The following PTPRD variants were observed in gnomAD, a reference collection of about 807,000 sequenced individuals.
PTPRD encodes the protein receptor-type tyrosine-protein phosphatase delta.
PTPRD carries 34 observed loss-of-function variants against 214.5 expected under a neutral mutation model. That is an observed-to-expected ratio of 0.16 (90% CI 0.12 to 0.21). The LOEUF is 0.21. Among genes scored for constraint, PTPRD ranks in the 10% least tolerant of loss-of-function variants. The pLI, the probability that PTPRD is intolerant of heterozygous loss-of-function variation, is 1.00. For missense variants in PTPRD, 2,545 were observed against 2,398.7 expected (o/e 1.06, Z -1.27); for synonymous variants, 1,128 against 845.7 (o/e 1.33, Z -5.79).
At chr9:8,518,622 C>T (rs563165378) in intron 20 of PTPRD, among the ~76,000 whole-genome samples, 193 bp from the exon 21 acceptor site, 14 of 152,320 alleles carry the variant, frequency 9.2e-5, no homozygotes, top group Non-Finnish European at 1.2e-4. Flanking sequence ...ACAAATCCTG[C>T]TTTCCTAGAA....
At chr9:9,144,272 G>A (rs530652483) in intron 10 of PTPRD, among the ~76,000 whole-genome samples, 31 of 152,158 alleles carry the variant, frequency 2.0e-4, no homozygotes, top group Non-Finnish European at 3.2e-4. Context: ...CCTGGTAATG[G>A]CTATAGTGGT....
intron 9 of PTPRD, among the ~76,000 whole-genome samples, chr9:9,342,564 T>G (rs944939642): frequency 6.6e-6 from 1 of 152,174 alleles, no homozygotes; most frequent in Non-Finnish European, 1.5e-5. Flanking sequence ...GTAGAGCTGT[T>G]GCTTAAAGAA....
chr9:8,594,674 C>G (rs970423883), intron 14 of PTPRD, among the ~76,000 whole-genome samples: 8 of 152,062 alleles, frequency 5.3e-5, no homozygotes, highest in Non-Finnish European at 1.2e-4. Context: ...TTCCGACGCT[C>G]TCGCTCTGTC....
intron 9 of PTPRD, among the ~76,000 whole-genome samples, chr9:9,333,906 A>T (rs1477448500): frequency 5.9e-5 from 9 of 151,968 alleles, no homozygotes; most frequent in Admixed American, 5.3e-4. Flanking sequence ...AGAGAAGAAA[A>T]TATTGATGGA....
At chr9:8,706,905 C>T (rs1387896238) in intron 12 of PTPRD, among the ~76,000 whole-genome samples, 2 of 152,136 alleles carry the variant, frequency 1.3e-5, no homozygotes, top group African/African-American at 4.8e-5. Context: ...TGCCACTGTC[C>T]CCGCTGGACA....
At chr9:9,467,886 G>A (rs960151568) in intron 8 of PTPRD, among the ~76,000 whole-genome samples, 1 of 152,014 alleles carries the variant, frequency 6.6e-6, no homozygotes, top group African/African-American at 2.4e-5. Flanking sequence ...AATACATTGA[G>A]GTATTTGGTA....
At chr9:10,031,639 T>TACACACACAC in intron 4 of PTPRD, among the ~76,000 whole-genome samples, 1 of 75,354 alleles carries the variant, frequency 1.3e-5, no homozygotes, top group African/African-American at 1.0e-4. Context: ...TATATATATA[T>TACACACACAC]ATATATATAC....
intron 3 of PTPRD, among the ~76,000 whole-genome samples, chr9:10,144,269 C>G (rs1056774150): frequency 1.3e-5 from 2 of 152,026 alleles, no homozygotes; most frequent in African/African-American, 2.4e-5. Context: ...TAATACTCTT[C>G]TCTCCAAAAA....
rs562937614 is a variant in PTPRD, at chr9:8,580,009, G to A, written c.353-51230C>T. ...GTGGTAGCTATGAACATTCATCAGG[G>A]TTTGCAGGGATTACAAGTTTCCAGT... On this transcript the variant is annotated intron_variant, in intron 14 of 45. Transcript: ENST00000381196. Among the ~76,000 whole-genome samples, 3 of 152,220 alleles carry A rather than the reference G, an allele frequency of 2.0e-5. No individual in the cohort carries two copies. In the East Asian group the frequency reaches 5.8e-4, roughly 29 times the overall value.
chr9:10,241,888 T>C (rs1263158138), intron 3 of PTPRD, among the ~76,000 whole-genome samples: 1 of 151,968 alleles, frequency 6.6e-6, no homozygotes, highest in African/African-American at 2.4e-5. Flanking sequence ...TCTATGAAGG[T>C]AAGTTGTTAA....
At chr9:8,464,715 C>CTT (rs35687233) in intron 32 of PTPRD, among the ~76,000 whole-genome samples, 3,472 of 148,026 alleles carry the variant, frequency 0.023, 48 homozygotes, top group Admixed American at 0.044. Context: ...TATCTCTCCC[C>CTT]TTTTTTTTTT....
intron 2 of PTPRD, among the ~76,000 whole-genome samples, chr9:10,424,036 T>C (rs1204648560): frequency 6.6e-6 from 1 of 152,018 alleles, no homozygotes; most frequent in Non-Finnish European, 1.5e-5. Context: ...CGACTAAAAA[T>C]GTCCTGTTTG....
At chr9:9,781,505 C>A (rs1378993060) in intron 5 of PTPRD, among the ~76,000 whole-genome samples, 3 of 151,966 alleles carry the variant, frequency 2.0e-5, no homozygotes, top group African/African-American at 7.3e-5. Context: ...TCTAATTGAC[C>A]AATAATATAC....
intron 9 of PTPRD, among the ~76,000 whole-genome samples, chr9:9,188,218 A>G (rs2099932853): frequency 1.3e-5 from 2 of 152,048 alleles, no homozygotes; most frequent in Non-Finnish European, 2.9e-5. Context: ...GGCTACATTC[A>G]TGTTGTAATT....
intron 7 of PTPRD, among the ~76,000 whole-genome samples, chr9:9,580,672 C>T (rs1294193674): frequency 6.6e-6 from 1 of 151,356 alleles, no homozygotes; most frequent in Non-Finnish European, 1.5e-5. Context: ...CCTCAGCCTC[C>T]TGAATAGCTG....
intron 2 of PTPRD, among the ~76,000 whole-genome samples, chr9:10,447,620 T>G (rs2098808865): frequency 6.6e-6 from 1 of 152,016 alleles, no homozygotes. Flanking sequence ...TACAAATATT[T>G]GTTTTTTATT....
intron 12 of PTPRD, among the ~76,000 whole-genome samples, chr9:8,702,797 C>T (rs1252755978): frequency 1.3e-5 from 2 of 152,266 alleles, no homozygotes; most frequent in Admixed American, 6.5e-5. Flanking sequence ...TTAGTAAAGA[C>T]GGGGTTTCAC....
At position 9,336,828 on chromosome 9, in the gene PTPRD, C is replaced by G. The variant is rs1264880392; in HGVS notation, c.-203+60621G>C. Among the ~76,000 whole-genome samples, 3 of 152,116 alleles carry G rather than the reference C, an allele frequency of 2.0e-5. No homozygotes were observed. In the East Asian group the frequency reaches 5.8e-4, roughly 29 times the overall value. ...ATTATTAAATTATTTGACTTTAAGT[C>G]TCATCTTTGTGATAGTTTATATGAG... On this transcript the variant is annotated intron_variant, in intron 9 of 45. Coordinates refer to ENST00000381196, the MANE Select transcript of PTPRD (RefSeq NM_002839.4).
intron 4 of PTPRD, among the ~76,000 whole-genome samples, chr9:9,953,768 G>A (rs1053422510): frequency 6.6e-6 from 1 of 151,938 alleles, no homozygotes; most frequent in Non-Finnish European, 1.5e-5. Flanking sequence ...GTACCATCTG[G>A]CAATGCTTTA....
Sources: allele counts gnomAD v4.1 joint callset (sites outside exome capture counted in the v4.1 genomes callset), GRCh38; gene constraint gnomAD v4.1.1; transcripts MANE v1.5; gene names NCBI Gene and HGNC (gene_info 2026-07-23, HGNC 2026-07-21).